ARHGAP35: variants seen among roughly 807,000 people sequenced by gnomAD.
The protein encoded by ARHGAP35 is Rho GTPase activating protein 35.
Under a neutral mutation model 111.1 loss-of-function variants are expected in ARHGAP35, and 15 were observed. The ratio of observed to expected loss-of-function variants is 0.13; its 90% confidence interval spans 0.09 to 0.21. The LOEUF is 0.21. ARHGAP35 is among the 10% of genes least tolerant of loss of function. The pLI is 1.00. For missense variants in ARHGAP35, 1,262 were observed against 1,873.0 expected (o/e 0.67, Z 6.02); for synonymous variants, 643 against 710.3 (o/e 0.91, Z 1.51).
Position 46,993,286 on chromosome 19 carries a change from C to T in ARHGAP35, c.4036+3611C>T, listed in dbSNP as rs1449093663. ...TCACTGAAGGGCTGTGACCTTGAGC[C>T]GGGCTTTCCCTTTCCTGGCGATGCA... is the stretch of plus-strand genomic sequence containing the variant. On this transcript the variant is annotated intron_variant, in intron 5 of 6. Coordinates refer to ENST00000672722, the MANE Select transcript of ARHGAP35 (RefSeq NM_004491.5). The surrounding 1 kb of genome is among the most constrained non-coding windows in gnomAD (Gnocchi z 4.6). Among the ~76,000 whole-genome samples the T allele has an allele frequency of 1.3e-5, 2 of 152,226 alleles. No homozygotes were observed. Among genetic ancestry groups the T allele is most frequent in the East Asian group, 1.9e-4 (1 of 5,186 alleles).
rs192235922 is a variant in ARHGAP35, at chr19:46,884,004, G to A, written c.-189+22795G>A. ...TGGGAGGCGCAGGTTGCAGTGAGCC[G>A]AGATTGCGCCAGTGCACTCCAACCT... On this transcript the variant is annotated intron_variant, in intron 1 of 6. Coordinates refer to ENST00000672722, the MANE Select transcript of ARHGAP35 (RefSeq NM_004491.5). Among the ~76,000 whole-genome samples, 36 of 152,260 alleles carry A rather than the reference G, an allele frequency of 2.4e-4. No individual in the cohort carries two copies. The East Asian group carries it at 6.2e-3, about 26-fold the overall frequency.
At chr19:46,965,466 TTTTGTTTGTTTG>T (rs146545859) in intron 3 of ARHGAP35, among the ~76,000 whole-genome samples, 18 of 150,272 alleles carry the variant, frequency 1.2e-4, no homozygotes, top group South Asian at 6.3e-4. Flanking sequence ...TTCTTGGGTT[TTTTGTTTGTTTG>T]TTTGTTTGTT....
chr19:46,978,521 TGTG>T (rs2056591659), intron 3 of ARHGAP35, among the ~76,000 whole-genome samples: 1 of 132,948 alleles, frequency 7.5e-6, no homozygotes, highest in Non-Finnish European at 1.6e-5. Flanking sequence ...TGTGATGGGA[TGTG>T]TGTGTGTGGT....
intron 2 of ARHGAP35, among the ~76,000 whole-genome samples, chr19:46,928,988 CG>C (rs1037772954): frequency 7.8e-5 from 6 of 76,958 alleles, no homozygotes; most frequent in Non-Finnish European, 1.5e-4. Flanking sequence ...GACATGTCTC[CG>C]TTTCTTTCTC....
At chr19:46,959,777 G>T (rs2056466195) in intron 3 of ARHGAP35, among the ~76,000 whole-genome samples, 1 of 151,778 alleles carries the variant, frequency 6.6e-6, no homozygotes. Context: ...TTTAGAAACT[G>T]CTCCTTTTGT....
chr19:46,903,204 A>C (rs1214184921), intron 1 of ARHGAP35, among the ~76,000 whole-genome samples: 1 of 152,084 alleles, frequency 6.6e-6, no homozygotes, highest in African/African-American at 2.4e-5. Flanking sequence ...TGAGACACCT[A>C]CTCATCCCCA....
intron 1 of ARHGAP35, among the ~76,000 whole-genome samples, chr19:46,884,733 C>T (rs73057373): frequency 0.053 from 8,069 of 151,758 alleles, 303 homozygotes; most frequent in Non-Finnish European, 0.081. Context: ...GCAATTCCCC[C>T]GCGTAGGCCT....
chr19:46,929,360 T>C (rs1399741010), intron 2 of ARHGAP35, among the ~76,000 whole-genome samples: 1 of 152,146 alleles, frequency 6.6e-6, no homozygotes, highest in African/African-American at 2.4e-5. Flanking sequence ...TGTTGAATAC[T>C]GAATGCAAGA....
At chr19:46,865,159 G>A (rs1244859011) in intron 1 of ARHGAP35, among the ~76,000 whole-genome samples, 1 of 152,188 alleles carries the variant, frequency 6.6e-6, no homozygotes, top group Non-Finnish European at 1.5e-5. Context: ...AATGTGAGGT[G>A]GTAGCCTTGG....
In ARHGAP35 at chr19:46,919,670, A is replaced by T. The variant is rs749176914; in HGVS notation, c.995A>T (p.His332Leu). The T allele has an allele frequency of 6.2e-7, 1 of 1,614,030 alleles. No homozygotes were observed. Among genetic ancestry groups the T allele is most frequent in the Non-Finnish European group, 8.5e-7 (1 of 1,179,894 alleles). Reference protein sequence around the residue: ...LQHIHRLKHEHIERRRKLYLA... With the variant: ...LQHIHRLKHELIERRRKLYLA... ...CACATCCACCGCCTCAAGCATGAGCATATCGAGCGTAGGAGAAAGCTGTAC... is the reference window on the plus strand; with the variant it reads ...CACATCCACCGCCTCAAGCATGAGCTTATCGAGCGTAGGAGAAAGCTGTAC... Residue 332 changes from histidine (H) to leucine (L), a missense_variant, in exon 2 of 7, where the codon CAT becomes CTT. Transcript: ENST00000672722. The surrounding 1 kb of genome is among the most constrained non-coding windows in gnomAD (Gnocchi z 6.2).
intron 1 of ARHGAP35, among the ~76,000 whole-genome samples, chr19:46,866,706 C>T (rs537529365): frequency 6.6e-6 from 1 of 152,180 alleles, no homozygotes; most frequent in Non-Finnish European, 1.5e-5. Flanking sequence ...GTAGGGGGCT[C>T]TTTCCCTGGG....
At chr19:46,951,073 C>CCCTCAGCT (rs2056409935) in intron 3 of ARHGAP35, among the ~76,000 whole-genome samples, 1 of 152,236 alleles carries the variant, frequency 6.6e-6, no homozygotes, top group Non-Finnish European at 1.5e-5. Flanking sequence ...TCAGAGGTTA[C>CCCTCAGCT]CCTCAGCTCC....
chr19:46,921,070 A>C lies in ARHGAP35; in HGVS notation c.2395A>C (p.Ile799Leu), dbSNP rs1464086405. 1.2e-6 allele frequency: 2 copies of C among 1,613,876 alleles called. No individual in the cohort carries two copies. The highest frequency in any genetic ancestry group is 1.7e-5 in the Admixed American group (1 of 59,994). ...MCGDPFSADD[I>L]LFPVLQSQTC... ...TGGAGATCCTTTTAGTGCAGATGACATACTTTTTCCTGTCCTTCAGTCCCA... is the reference window on the plus strand; with the variant it reads ...TGGAGATCCTTTTAGTGCAGATGACCTACTTTTTCCTGTCCTTCAGTCCCA... Residue 799 changes from isoleucine (I) to leucine (L), a missense_variant, in exon 2 of 7, where the codon ATA (isoleucine) becomes CTA (leucine). Around this residue, in one of 8 missense-constraint regions of ARHGAP35, gnomAD observed 579 missense variants for 716.9 expected, o/e 0.81. Transcript: ENST00000672722. The surrounding 1 kb of genome is among the most constrained non-coding windows in gnomAD (Gnocchi z 4.3).
At position 46,880,017 on chromosome 19, in the gene ARHGAP35, C is replaced by T. The variant is rs1278894562; in HGVS notation, c.-189+18808C>T. Among the ~76,000 whole-genome samples, 4 of 151,278 alleles carry T rather than the reference C, an allele frequency of 2.6e-5. No homozygotes were observed. In the South Asian group the frequency reaches 6.3e-4, roughly 24 times the overall value. The stretch of plus-strand genomic sequence containing the variant: ...ATGAGAATTGCTTGAAACCTGGAGG[C>T]GGAGGTTGCAGTGAGCTGAGACTGT... On this transcript the variant is annotated intron_variant, in intron 1 of 6. Transcript: ENST00000672722.
chr19:46,962,293 G>A (rs780230845), intron 3 of ARHGAP35, among the ~76,000 whole-genome samples: 2 of 152,230 alleles, frequency 1.3e-5, no homozygotes, highest in African/African-American at 2.4e-5. Flanking sequence ...CATATGAGCA[G>A]CTCAGGGTTT....
chr19:46,941,025 TG>T (rs2056343823), intron 3 of ARHGAP35, among the ~76,000 whole-genome samples: 1 of 149,552 alleles, frequency 6.7e-6, no homozygotes, highest in Admixed American at 6.7e-5. Flanking sequence ...ACTATGCCAT[TG>T]TCCCCTGCCC....
At chr19:46,896,811 T>C (rs2056059218) in intron 1 of ARHGAP35, among the ~76,000 whole-genome samples, 1 of 152,212 alleles carries the variant, frequency 6.6e-6, no homozygotes, top group African/African-American at 2.4e-5. Context: ...TTGTAGGGCA[T>C]GATTTCCTAT....
intron 1 of ARHGAP35, among the ~76,000 whole-genome samples, chr19:46,904,758 C>T (rs975106941): frequency 9.9e-5 from 15 of 152,178 alleles, no homozygotes; most frequent in African/African-American, 2.9e-4. Flanking sequence ...AGATTGCTCT[C>T]GGAATTCCCT....
intron 3 of ARHGAP35, among the ~76,000 whole-genome samples, chr19:46,981,843 TTTTGTTTTG>T (rs1317336284): frequency 7.9e-5 from 12 of 151,426 alleles, no homozygotes; most frequent in Middle Eastern, 3.4e-3. Flanking sequence ...TTTTGTTTTG[TTTTGTTTTG>T]TTTTGTTTTG....
Sources: allele counts gnomAD v4.1 joint callset (sites outside exome capture counted in the v4.1 genomes callset), GRCh38; gene constraint gnomAD v4.1.1; regional missense constraint gnomAD v4.1.1; non-coding constraint Gnocchi (gnomAD v3.1); transcripts MANE v1.5; gene names NCBI Gene and HGNC (gene_info 2026-07-23, HGNC 2026-07-21).